Variants in CFAP161 observed in about 807,000 individuals in gnomAD.
The protein encoded by CFAP161 is cilia and flagella associated protein 161, also known as cilia- and flagella-associated protein 161.
In CFAP161, 25 loss-of-function variants were observed where a neutral mutation model predicts 29.0. The ratio of observed to expected loss-of-function variants is 0.86; its 90% CI spans 0.63 to 1.20. The LOEUF (loss-of-function observed/expected upper bound fraction) is 1.20. Among genes scored for constraint, CFAP161 ranks in the 50% most tolerant of loss-of-function variants. The pLI, the probability that CFAP161 is intolerant of heterozygous loss-of-function variation, is 0.00. For synonymous variants in CFAP161, 116 were observed against 137.4 expected (o/e 0.84, Z 1.09); for missense variants, 367 against 371.9 (o/e 0.99, Z 0.11).
At chr15:81,120,322 A>G (rs1189057460) in intron 1 of CFAP161, among the ~76,000 whole-genome samples, 1 of 152,266 alleles carries the variant, frequency 6.6e-6, no homozygotes, top group Admixed American at 6.5e-5. Flanking sequence ...ATAGCATGAC[A>G]AGTTTCCTGG....
intron 1 of CFAP161, among the ~76,000 whole-genome samples, chr15:81,124,600 T>C (rs981897030): frequency 5.9e-5 from 9 of 152,200 alleles, no homozygotes; most frequent in Admixed American, 4.6e-4. Flanking sequence ...CCAGCTCTTC[T>C]TTGTACCTCT....
chr15:81,116,592 T>C (rs886173773), intron 1 of CFAP161, among the ~76,000 whole-genome samples: 4 of 152,348 alleles, frequency 2.6e-5, no homozygotes, highest in African/African-American at 9.6e-5. Context: ...TCACTGCGCC[T>C]GGCCTGGAGT....
chr15:81,133,180 T>G (rs1336010684), upstream of CFAP161, among the ~76,000 whole-genome samples: 7 of 18,374 alleles, frequency 3.8e-4, no homozygotes, highest in Non-Finnish European at 8.2e-4. Flanking sequence ...CATCAGCATA[T>G]ATATATATAT....
chr15:81,116,304 A>C (rs577402040), intron 1 of CFAP161, among the ~76,000 whole-genome samples: 2 of 151,926 alleles, frequency 1.3e-5, no homozygotes, highest in East Asian at 3.9e-4. Flanking sequence ...ATTAAGAACA[A>C]ATTTTTTGAG....
rs1894772192 is a variant in CFAP161 at position 81,134,384 on chromosome 15, G to A, written c.55G>A (p.Val19Ile). 3.1e-6 allele frequency: 5 copies of A among 1,587,514 alleles called. No homozygotes were observed. The Middle Eastern group carries it at 6.6e-4, about 211-fold the overall frequency. ...GVRIGNWNEDVYLEEELMKDF... is the reference protein window; with the variant it reads ...GVRIGNWNEDIYLEEELMKDF... ...CCGGATAGGCAACTGGAATGAGGATGTCTACCTGGAGGAGGTACGCAGGGT... is the reference window on the plus strand; with the variant it reads ...CCGGATAGGCAACTGGAATGAGGATATCTACCTGGAGGAGGTACGCAGGGT... Residue 19 changes from valine to isoleucine, a missense_variant, in exon 1 of 7, where the codon GTC (valine) becomes ATC (isoleucine). Val to Ile is a conservative substitution (Grantham distance 29, BLOSUM62 3). Transcript: ENST00000286732.
chr15:81,101,526 CAAAAAAAAAA>C (rs527465471), intron 1 of CFAP161, among the ~76,000 whole-genome samples: 9,699 of 46,150 alleles, frequency 0.21, 598 homozygotes, highest in East Asian at 0.41. Flanking sequence ...GACTCTGTCT[CAAAAAAAAAA>C]AAAAAAAAAA....
At chr15:81,115,851 T>TA (rs1437071244) in intron 1 of CFAP161, among the ~76,000 whole-genome samples, 2 of 138,268 alleles carry the variant, frequency 1.4e-5, no homozygotes, top group East Asian at 2.0e-4. Context: ...GCTAATTAAT[T>TA]TTTTTTTTTT....
upstream of CFAP161, among the ~76,000 whole-genome samples, chr15:81,129,367 T>C (rs148794801): frequency 2.0e-5 from 3 of 152,150 alleles, no homozygotes; most frequent in African/African-American, 7.2e-5. Flanking sequence ...AAGAGGTTAA[T>C]AGACTCATTT....
chr15:81,114,908 C>T (rs536423281), intron 1 of CFAP161, among the ~76,000 whole-genome samples: 14 of 152,204 alleles, frequency 9.2e-5, no homozygotes, highest in African/African-American at 3.4e-4. Context: ...TGTGATCCGC[C>T]CACCTCGGCC....
chr15:81,138,416 T>C (rs1048282333), intron 4 of CFAP161, among the ~76,000 whole-genome samples: 2 of 152,256 alleles, frequency 1.3e-5, no homozygotes, highest in Non-Finnish European at 2.9e-5. Context: ...TTTATACCAC[T>C]TCCACCTGTA....
At chr15:81,145,037 G>A (rs919144161) in intron 5 of CFAP161, among the ~76,000 whole-genome samples, 1 of 152,142 alleles carries the variant, frequency 6.6e-6, no homozygotes, top group Non-Finnish European at 1.5e-5. Flanking sequence ...TCCTGCTCAC[G>A]AGGCATCCAG....
upstream of CFAP161, among the ~76,000 whole-genome samples, chr15:81,131,297 A>G (rs1894708374): frequency 6.6e-6 from 1 of 152,148 alleles, no homozygotes; most frequent in African/African-American, 2.4e-5. Flanking sequence ...AAGAAGATAA[A>G]AAACAAACAA....
chr15:81,138,009 CAG>C (rs1567158423), intron 3 of CFAP161, 40 bp from the exon 4 acceptor site: 1 of 1,428,634 alleles, frequency 7.0e-7, no homozygotes, highest in Admixed American at 1.8e-5. Flanking sequence ...GATTCTAATA[CAG>C]AGAGTTTACA....
intron 1 of CFAP161, among the ~76,000 whole-genome samples, chr15:81,112,724 A>T (rs556662517): frequency 6.6e-6 from 1 of 152,214 alleles, no homozygotes; most frequent in Non-Finnish European, 1.5e-5. Context: ...CTAAATAACT[A>T]GAGGACCACT....
upstream of CFAP161, among the ~76,000 whole-genome samples, chr15:81,133,600 A>G (rs954195723): frequency 4.6e-5 from 7 of 151,904 alleles, no homozygotes; most frequent in Non-Finnish European, 8.8e-5. Context: ...ATTTTGTTTT[A>G]TTAATGCTGG....
At chr15:81,147,791 G>T in intron 5 of CFAP161, 67 bp from the exon 6 acceptor site, 3 of 1,258,200 alleles carry the variant, frequency 2.4e-6, no homozygotes, top group Admixed American at 4.9e-5. Context: ...TTTTAGGTAA[G>T]CTTTTCCCTA....
chr15:81,124,242 A>T (rs1894612155), intron 1 of CFAP161, among the ~76,000 whole-genome samples: 1 of 151,910 alleles, frequency 6.6e-6, no homozygotes, highest in Non-Finnish European at 1.5e-5. Context: ...ATTTTATTGA[A>T]AGCTTTTTCT....
intron 4 of CFAP161, among the ~76,000 whole-genome samples, chr15:81,140,555 C>CT (rs569817664): frequency 8.4e-4 from 126 of 150,108 alleles, no homozygotes; most frequent in Non-Finnish European, 1.6e-3. Context: ...TTGTCTATTT[C>CT]TTTTTTTTTC....
In CFAP161 at chr15:81,148,405, C is replaced by A. The variant is rs746541540; in HGVS notation, c.778C>A (p.Pro260Thr). ...TYLDSHRVEK[P>T]RNHWMLVTGN... Reference sequence around the variant, plus strand: ...CCTGGATTCACATAGAGTTGAGAAACCAAGGAACCACTGGATGTTGGTTAC... The same window carrying A: ...CCTGGATTCACATAGAGTTGAGAAAACAAGGAACCACTGGATGTTGGTTAC... The change falls in exon 7 of 7, where the codon CCA (proline) becomes ACA (threonine). Residue 260 changes from proline to threonine, a missense_variant. Pro to Thr is a conservative substitution (Grantham distance 38). Coordinates refer to ENST00000286732, the MANE Select transcript of CFAP161 (RefSeq NM_173528.4). 6.2e-7 allele frequency: 1 copy of A among 1,614,172 alleles called. No individual in the cohort carries two copies. Among genetic ancestry groups the A allele is most frequent in the East Asian group, 2.2e-5 (1 of 44,888 alleles).
Sources: gnomAD v4.1 joint callset for allele counts (sites outside exome capture counted in the v4.1 genomes callset) on GRCh38, gnomAD v4.1.1 for gene constraint, MANE v1.5 for transcripts, NCBI Gene and HGNC (gene_info 2026-07-23, HGNC 2026-07-21) for gene names.